ELP4: variants seen among roughly 807,000 people sequenced by gnomAD.
ELP4 encodes elongator acetyltransferase complex subunit 4.
In ELP4, 51 loss-of-function variants were observed where a neutral mutation model predicts 48.9. That is an observed-to-expected ratio of 1.04 (90% CI 0.83 to 1.32). The LOEUF is 1.32. ELP4 is among the 40% of genes most tolerant of loss of function. The pLI is 0.00. For missense variants in ELP4, 519 were observed against 514.6 expected (o/e 1.01, Z -0.08); for synonymous variants, 210 against 189.2 (o/e 1.11, Z -0.90).
At chr11:31,743,497 G>A (rs1947506741) in intron 9 of ELP4, among the ~76,000 whole-genome samples, 1 of 152,174 alleles carries the variant, frequency 6.6e-6, no homozygotes, top group African/African-American at 2.4e-5. Flanking sequence ...ATAGTTGGAA[G>A]TAAAGCATTC....
chr11:31,666,836 G>T (rs1396985472), intron 9 of ELP4, among the ~76,000 whole-genome samples: 2 of 151,910 alleles, frequency 1.3e-5, no homozygotes, highest in Admixed American at 1.3e-4. Context: ...TGTGAAAATG[G>T]CTCTCCTTTG....
At chr11:31,550,219 T>C (rs1956821180) in intron 3 of ELP4, among the ~76,000 whole-genome samples, 1 of 152,140 alleles carries the variant, frequency 6.6e-6, no homozygotes, top group African/African-American at 2.4e-5. Context: ...AAATATATAA[T>C]ACTTTTATTT....
chr11:31,735,587 G>T (rs1219379179), intron 9 of ELP4, among the ~76,000 whole-genome samples: 1 of 152,084 alleles, frequency 6.6e-6, no homozygotes, highest in Non-Finnish European at 1.5e-5. Flanking sequence ...CATCGTCTCA[G>T]CCCAAAATCT....
intron 9 of ELP4, among the ~76,000 whole-genome samples, chr11:31,741,739 C>T (rs1240441178): frequency 1.3e-5 from 2 of 152,150 alleles, no homozygotes; most frequent in Admixed American, 6.5e-5. Flanking sequence ...ACCAAAAACC[C>T]ATCTGTACGT....
chr11:31,665,304 A>G (rs7930017), intron 9 of ELP4, among the ~76,000 whole-genome samples: 4,340 of 152,210 alleles, frequency 0.029, 207 homozygotes, highest in African/African-American at 0.099. Flanking sequence ...TATTTGTGAC[A>G]CAAGACTTAA....
rs117307429 is a variant in ELP4 at position 31,701,474 on chromosome 11, G to T, written c.1143+51253G>T. Among the ~76,000 whole-genome samples the T allele has an allele frequency of 7.2e-3, 1,091 of 151,760 alleles. 15 individuals are homozygous for T. The highest frequency in any genetic ancestry group is 0.045 in the South Asian group (217 of 4,802). On this transcript the variant is annotated intron_variant, in intron 9 of 9. Coordinates refer to ENST00000640961, the MANE Select transcript of ELP4 (RefSeq NM_019040.5). The stretch of plus-strand genomic sequence containing the variant: ...TTTTTATTAGTAGAATCATGCTATT[G>T]CCTTAATTAGCTTCTAATCTCACTC...
intron 9 of ELP4, chr11:31,714,927 T>C: frequency 2.5e-6 from 1 of 397,306 alleles, no homozygotes; most frequent in South Asian, 1.4e-4. Flanking sequence ...TAATTCAATC[T>C]TTCACCTTAA....
chr11:31,734,061 C>T (rs575346220), intron 9 of ELP4, among the ~76,000 whole-genome samples: 54 of 152,268 alleles, frequency 3.5e-4, no homozygotes, highest in African/African-American at 1.2e-3. Context: ...GATGGCTCAA[C>T]ATAAGAACAT....
intron 9 of ELP4, among the ~76,000 whole-genome samples, chr11:31,705,375 A>G (rs1398540941): frequency 6.6e-6 from 1 of 152,192 alleles, no homozygotes; most frequent in Non-Finnish European, 1.5e-5. Context: ...CCCACTGTCA[A>G]ATACCATTAA....
At chr11:31,720,649 A>G (rs1946941257) in intron 9 of ELP4, among the ~76,000 whole-genome samples, 1 of 152,224 alleles carries the variant, frequency 6.6e-6, no homozygotes, top group African/African-American at 2.4e-5. Context: ...AGGAGTACTA[A>G]GTAATCAATT....
intron 3 of ELP4, among the ~76,000 whole-genome samples, chr11:31,586,928 C>T (rs189307907): frequency 5.9e-5 from 9 of 152,196 alleles, no homozygotes; most frequent in Admixed American, 5.9e-4. Context: ...GCGTGAGCCA[C>T]GGCGACCGGC....
chr11:31,631,492 C>A (rs546628489), intron 6 of ELP4, among the ~76,000 whole-genome samples: 1 of 152,032 alleles, frequency 6.6e-6, no homozygotes, highest in African/African-American at 2.4e-5. Flanking sequence ...TTAGAATAAC[C>A]CAAACAGTAG....
At position 31,789,200 on chromosome 11, in the gene ELP4, A is replaced by G. The variant is rs1329767619; in HGVS notation, c.*5676A>G. On this transcript the variant is annotated 3_prime_UTR_variant, in exon 10 of 10. Coordinates refer to ENST00000640961, the MANE Select transcript of ELP4 (RefSeq NM_019040.5). The stretch of plus-strand genomic sequence containing the variant: ...TAAAACATCTATATTCTTGTCAAAT[A>G]TAAATGAAATTAACTTTATTATAGA... The G allele has an allele frequency of 2.5e-4, 52 of 207,500 alleles. No homozygotes were observed. In the Admixed American group the frequency reaches 3.1e-3, roughly 12 times the overall value. 12.9% of individuals were successfully genotyped at this position (207,500 alleles called of 1,614,324 possible).
chr11:31,519,965 T>G (rs1490535674), intron 1 of ELP4, 91 bp from the exon 2 acceptor site: 3 of 1,200,838 alleles, frequency 2.5e-6, no homozygotes, highest in Non-Finnish European at 3.6e-6. Context: ...TTAAAGTTAT[T>G]GAAGTGCCTT....
intron 5 of ELP4, among the ~76,000 whole-genome samples, chr11:31,611,776 G>A (rs947448279): frequency 3.3e-5 from 5 of 152,088 alleles, no homozygotes; most frequent in African/African-American, 7.2e-5. Flanking sequence ...CAATAAGAAA[G>A]CACATAATTT....
intron 9 of ELP4, among the ~76,000 whole-genome samples, chr11:31,736,638 T>C (rs1482978548): frequency 6.6e-6 from 1 of 151,786 alleles, no homozygotes; most frequent in East Asian, 1.9e-4. Flanking sequence ...AAGAAAAAAA[T>C]AAACAACCTC....
intron 9 of ELP4, 189 bp downstream of exon 9, chr11:31,650,410 A>G (rs1318285059): frequency 2.4e-6 from 1 of 408,732 alleles, no homozygotes; most frequent in Non-Finnish European, 4.4e-6. Context: ...TTATTTTTAC[A>G]ATATATCAAG....
chr11:31,746,994 T>G (rs751306455), intron 9 of ELP4, among the ~76,000 whole-genome samples: 5 of 152,102 alleles, frequency 3.3e-5, no homozygotes, highest in Non-Finnish European at 5.9e-5. Flanking sequence ...ATTTTCAGAC[T>G]TTTAAATATA....
rs570941620 is a variant in ELP4 at position 31,587,815 on chromosome 11, A to T, written c.382-6955A>T. The stretch of plus-strand genomic sequence containing the variant: ...ATTTTTTAGCTTTCTACATTTTTAA[A>T]GATAGCTTTAAAAACTAAATATATT... On this transcript the variant is annotated intron_variant, in intron 3 of 9. Transcript: ENST00000640961. Among the ~76,000 whole-genome samples the T allele has an allele frequency of 2.6e-5, 4 of 152,290 alleles. No individual in the cohort carries two copies. In the South Asian group the frequency reaches 6.2e-4, roughly 24 times the overall value.
Sources: allele counts gnomAD v4.1 joint callset (sites outside exome capture counted in the v4.1 genomes callset), GRCh38; gene constraint gnomAD v4.1.1; transcripts MANE v1.5; gene names NCBI Gene and HGNC (gene_info 2026-07-23, HGNC 2026-07-21).